The following TIPRL variants were observed in gnomAD, a reference collection of about 807,000 sequenced individuals.
The protein encoded by TIPRL is TOR signaling pathway regulator, also known as TIP41-like protein.
TIPRL carries 10 observed loss-of-function variants against 32.3 expected under a neutral mutation model. The ratio of observed to expected loss-of-function variants is 0.31; its 90% CI spans 0.19 to 0.52. The LOEUF (loss-of-function observed/expected upper bound fraction) is 0.52. TIPRL is among the 20% of genes least tolerant of loss of function. The probability of loss-of-function intolerance (pLI) is 0.96; values close to 1 mark genes in which losing one functional copy is unlikely to be tolerated. For synonymous variants in TIPRL, 100 were observed against 114.0 expected (o/e 0.88, Z 0.78); for missense variants, 250 against 328.1 (o/e 0.76, Z 1.84).
At position 168,183,052 on chromosome 1, in the gene TIPRL, G is replaced by A. The variant is rs140217384; in HGVS notation, c.105-850G>A. Among the ~76,000 whole-genome samples the A allele has an allele frequency of 5.5e-3, 835 of 152,188 alleles. 6 individuals carry two copies. The highest frequency in any genetic ancestry group is 0.019 in the African/African-American group (800 of 41,526). ...CTGATATGTGCACACAGAAATACAC[G>A]TTTAGATGTAATAAATATACAATGT... On this transcript the variant is annotated intron_variant, in intron 1 of 6. Transcript: ENST00000367833.
rs1265388737 is a variant in TIPRL at position 168,199,643 on chromosome 1, T to G, written c.676-260T>G. 2.0e-5 allele frequency among the ~76,000 whole-genome samples: 3 copies of G among 152,116 alleles called. No homozygotes were observed. The East Asian group carries it at 5.8e-4, about 29-fold the overall frequency. ...TTACAAAAGCAGGAGATACATAGGG[T>G]TGGATTAAGATGTATTAAATTCTTA... On this transcript the variant is annotated intron_variant, in intron 6 of 6. Transcript: ENST00000367833.
intron 3 of TIPRL, among the ~76,000 whole-genome samples, chr1:168,185,086 TA>T (rs1229671597): frequency 6.6e-6 from 1 of 152,232 alleles, no homozygotes; most frequent in Non-Finnish European, 1.5e-5. Context: ...AATTTATTTT[TA>T]AAAGTGTAGT....
intron 3 of TIPRL, among the ~76,000 whole-genome samples, chr1:168,190,189 C>T (rs1446712779): frequency 1.3e-5 from 2 of 152,194 alleles, no homozygotes; most frequent in Non-Finnish European, 2.9e-5. Context: ...CCTGCCCCTA[C>T]ACTCCAACTC....
intron 4 of TIPRL, 82 bp downstream of exon 4, chr1:168,191,582 CTG>C (rs1350050885): frequency 8.1e-7 from 1 of 1,229,280 alleles, no homozygotes; most frequent in Non-Finnish European, 1.1e-6. Flanking sequence ...TTGAATAACA[CTG>C]AGCCTGGCCG....
intron 3 of TIPRL, among the ~76,000 whole-genome samples, chr1:168,190,270 C>T (rs1700078365): frequency 6.6e-6 from 1 of 152,198 alleles, no homozygotes; most frequent in Admixed American, 6.5e-5. Flanking sequence ...AGTAAAACTG[C>T]TTAGGGCTAA....
intron 4 of TIPRL, chr1:168,192,281 G>T (rs1158394246): frequency 2.0e-5 from 25 of 1,241,872 alleles, no homozygotes; most frequent in Admixed American, 2.9e-5. Context: ...GGGAGGCGGA[G>T]CTTGCAGTGA....
chr1:168,179,668 T>C (rs916352698), intron 1 of TIPRL, among the ~76,000 whole-genome samples: 1 of 152,150 alleles, frequency 6.6e-6, no homozygotes, highest in Non-Finnish European at 1.5e-5. Context: ...ATAAATGTAA[T>C]GAAGATGTAT....
At chr1:168,197,287 GA>G (rs60707184) in intron 5 of TIPRL, among the ~76,000 whole-genome samples, 71,262 of 143,948 alleles carry the variant, frequency 0.5, 18,771 homozygotes, top group African/African-American at 0.73. Flanking sequence ...CTGTCTCAAA[GA>G]AAAAAAAAAA....
intron 3 of TIPRL, among the ~76,000 whole-genome samples, 181 bp downstream of exon 3, chr1:168,185,059 GAC>G: frequency 6.6e-6 from 1 of 152,300 alleles, no homozygotes; most frequent in East Asian, 1.9e-4. Flanking sequence ...GAAAATAAAA[GAC>G]GGCATTAGTG....
chr1:168,193,701 AG>A (rs1162937229), intron 4 of TIPRL, among the ~76,000 whole-genome samples: 2 of 152,192 alleles, frequency 1.3e-5, no homozygotes, highest in African/African-American at 2.4e-5. Context: ...AAGAATACAT[AG>A]TAAGTCTTAA....
At chr1:168,189,384 C>T (rs1306751746) in intron 3 of TIPRL, among the ~76,000 whole-genome samples, 10 of 152,140 alleles carry the variant, frequency 6.6e-5, no homozygotes, top group Admixed American at 6.6e-4. Context: ...TCATTCTTGT[C>T]GCCCAGGCTG....
intron 3 of TIPRL, among the ~76,000 whole-genome samples, chr1:168,186,097 AAAAAAAG>A: frequency 1.3e-5 from 2 of 151,054 alleles, no homozygotes; most frequent in Admixed American, 6.6e-5. Flanking sequence ...AAAAAAAAAA[AAAAAAAG>A]AGAGAGATTC....
At chr1:168,197,221 G>A (rs982276065) in intron 5 of TIPRL, among the ~76,000 whole-genome samples, 1 of 151,940 alleles carries the variant, frequency 6.6e-6, no homozygotes, top group Non-Finnish European at 1.5e-5. Context: ...GGGAGGCTGA[G>A]GTGGGAGGAT....
At position 168,179,193 on chromosome 1, in the gene TIPRL, G is replaced by C; in HGVS notation, c.104+12G>C. 6.2e-7 allele frequency: 1 copy of C among 1,613,316 alleles called. No homozygotes were observed. Among genetic ancestry groups the C allele is most frequent in the Admixed American group, 1.7e-5 (1 of 60,008 alleles). On this transcript the variant is annotated intron_variant, in intron 1 of 6. Coordinates refer to ENST00000367833, the MANE Select transcript of TIPRL (RefSeq NM_152902.5). ...GCGGATGTGGAGAAGTGAGGCTTCG[G>C]GGCACGGGGTCTGGGCGCTGGCCGG... is the stretch of plus-strand genomic sequence containing the variant.
In TIPRL at chr1:168,200,948, T is replaced by C. The variant is rs1015823607; in HGVS notation, c.*902T>C. The C allele has an allele frequency of 2.0e-5, 3 of 152,122 alleles. No individual in the cohort carries two copies. Among genetic ancestry groups the C allele is most frequent in the African/African-American group, 7.2e-5 (3 of 41,444 alleles). The allele number at this position is 152,122 out of a possible 1,614,324, so 9.4% of individuals were successfully genotyped here. On this transcript the variant is annotated 3_prime_UTR_variant, in exon 7 of 7. Transcript: ENST00000367833. ...TTTCTGCTTAAAATATTTGGGAAGA[T>C]AGGTAAGGAGGAGGGGGTTTTAAAA...
chr1:168,182,483 G>A (rs935922896), intron 1 of TIPRL, among the ~76,000 whole-genome samples: 2 of 152,094 alleles, frequency 1.3e-5, no homozygotes, highest in Non-Finnish European at 2.9e-5. Context: ...AAAATTAGCC[G>A]GGCATGGTGG....
chr1:168,181,271 G>A (rs184546389), intron 1 of TIPRL, among the ~76,000 whole-genome samples: 61 of 151,132 alleles, frequency 4.0e-4, no homozygotes, highest in Middle Eastern at 3.4e-3. Context: ...GGAGTGCAAT[G>A]GCGCCATCTC....
intron 5 of TIPRL, 99 bp downstream of exon 5, chr1:168,196,741 T>C: frequency 1.3e-6 from 1 of 744,818 alleles, no homozygotes; most frequent in African/African-American, 1.8e-5. Context: ...ATCTATATTA[T>C]ATGGCAGTCT....
intron 5 of TIPRL, among the ~76,000 whole-genome samples, chr1:168,197,040 G>A (rs893062791): frequency 5.3e-5 from 8 of 152,302 alleles, no homozygotes; most frequent in East Asian, 3.9e-4. Flanking sequence ...AAGGCCGGGC[G>A]CCGTAGCTCA....
Sources: allele counts gnomAD v4.1 joint callset (sites outside exome capture counted in the v4.1 genomes callset), GRCh38; gene constraint gnomAD v4.1.1; transcripts MANE v1.5; gene names NCBI Gene and HGNC (gene_info 2026-07-23, HGNC 2026-07-21).